The following ASTN2 variants were observed in gnomAD, a reference collection of about 807,000 sequenced individuals.
ASTN2 encodes astrotactin 2, also known as astrotactin-2.
Under a neutral mutation model 139.8 loss-of-function variants are expected in ASTN2, and 54 were observed. That is an observed-to-expected ratio of 0.39 (90% confidence interval 0.31 to 0.48). ASTN2 has a LOEUF of 0.48. Ranked by LOEUF, ASTN2 falls within the 20% of genes least tolerant of loss-of-function variation. The pLI is 0.95. For missense variants in ASTN2, 1,565 were observed against 1,725.1 expected, an observed-to-expected ratio of 0.91 and a Z score of 1.64; for synonymous variants, 756 against 719.5, an observed-to-expected ratio of 1.05 and a Z score of -0.81.
rs532119651 is a variant in ASTN2, at chr9:117,240,561, T to G, written c.631-25819A>C. ...ATTAGGGAGGTACCACAAAGCCAGA[T>G]AGCAGAGAACCAAGACACCAGACGG... On this transcript the variant is annotated intron_variant, in intron 2 of 22. Transcript: ENST00000313400. Among the ~76,000 whole-genome samples, 4 of 152,284 alleles carry G rather than the reference T, an allele frequency of 2.6e-5. No homozygotes were observed. In the South Asian group the frequency reaches 8.3e-4, roughly 32 times the overall value.
chr9:116,467,340 C>T (rs748777648), intron 20 of ASTN2, among the ~76,000 whole-genome samples: 4 of 152,178 alleles, frequency 2.6e-5, no homozygotes, highest in Non-Finnish European at 5.9e-5. Context: ...GATCTTGGCT[C>T]ACTGCAACCT....
intron 20 of ASTN2, among the ~76,000 whole-genome samples, chr9:116,455,298 G>A (rs1848297204): frequency 6.7e-6 from 1 of 149,642 alleles, no homozygotes; most frequent in African/African-American, 2.5e-5. Context: ...GCAGTGAGCT[G>A]AGATTGTGCC....
At chr9:117,048,185 G>T (rs1838799449) in intron 5 of ASTN2, among the ~76,000 whole-genome samples, 1 of 152,192 alleles carries the variant, frequency 6.6e-6, no homozygotes, top group Non-Finnish European at 1.5e-5. Flanking sequence ...CTGCTGAGCT[G>T]CTATCCGACT....
intron 2 of ASTN2, among the ~76,000 whole-genome samples, chr9:117,236,815 T>C (rs1234434294): frequency 6.6e-6 from 1 of 152,212 alleles, no homozygotes; most frequent in Non-Finnish European, 1.5e-5. Context: ...TTCATAGGGA[T>C]GTTGTAAAAG....
intron 11 of ASTN2, among the ~76,000 whole-genome samples, chr9:116,843,948 A>T (rs1001564105): frequency 9.2e-5 from 14 of 152,192 alleles, no homozygotes; most frequent in African/African-American, 2.4e-4. Context: ...ATCAAATTTT[A>T]AAAAACTCTG....
At chr9:116,853,384 C>T (rs1286280294) in intron 11 of ASTN2, among the ~76,000 whole-genome samples, 1 of 152,174 alleles carries the variant, frequency 6.6e-6, no homozygotes, top group Non-Finnish European at 1.5e-5. Context: ...TCCAGCTTTT[C>T]GTTTCAGAGC....
chr9:116,462,570 A>G (rs775645222), intron 20 of ASTN2, among the ~76,000 whole-genome samples: 37 of 152,184 alleles, frequency 2.4e-4, no homozygotes, highest in Non-Finnish European at 4.4e-4. Context: ...TGGAATAAAG[A>G]ATGTCTGAAA....
Position 117,160,566 on chromosome 9 carries a change from T to A in ASTN2, c.1016-19088A>T, listed in dbSNP as rs560825031. On this transcript the variant is annotated intron_variant, in intron 3 of 22. Transcript: ENST00000313400. ...TCAACTTGTTCTGCTTTATTCTTCA[T>A]TAAACATATTATATATTTATTTTTA... Among the ~76,000 whole-genome samples the A allele has an allele frequency of 6.6e-5, 10 of 152,220 alleles. No individual in the cohort carries two copies. The South Asian group carries it at 2.1e-3, about 32-fold the overall frequency.
At chr9:116,602,118 C>A (rs1278666791) in intron 19 of ASTN2, among the ~76,000 whole-genome samples, 1 of 152,100 alleles carries the variant, frequency 6.6e-6, no homozygotes, top group Non-Finnish European at 1.5e-5. Context: ...AAGTTTATGA[C>A]CCAAAAATGT....
intron 20 of ASTN2, among the ~76,000 whole-genome samples, chr9:116,463,908 G>GTTTTTTTTTTT (rs71502069): frequency 5.2e-5 from 6 of 115,922 alleles, no homozygotes; most frequent in Non-Finnish European, 7.1e-5. Context: ...AGAGTTTTGT[G>GTTTTTTTTTTT]TTTTTTTTTT....
intron 12 of ASTN2, among the ~76,000 whole-genome samples, chr9:116,808,205 T>C (rs1561744): frequency 0.86 from 131,509 of 152,168 alleles, 56,980 homozygotes; most frequent in East Asian, 0.99. Flanking sequence ...CTCCTCACTT[T>C]CTGTCCCAGA....
chr9:116,515,926 A>T (rs1228311766), intron 19 of ASTN2, among the ~76,000 whole-genome samples: 1 of 152,208 alleles, frequency 6.6e-6, no homozygotes, highest in East Asian at 1.9e-4. Flanking sequence ...CTATGGGAAC[A>T]CACCACTAGA....
chr9:116,690,518 C>G (rs1007006921), intron 16 of ASTN2, among the ~76,000 whole-genome samples: 9 of 152,214 alleles, frequency 5.9e-5, no homozygotes, highest in Non-Finnish European at 1.2e-4. Context: ...ATTGTCTATG[C>G]ACACTGATGT....
intron 10 of ASTN2, among the ~76,000 whole-genome samples, chr9:116,924,473 C>T (rs997688559): frequency 6.6e-5 from 10 of 150,512 alleles, no homozygotes; most frequent in Non-Finnish European, 1.0e-4. Flanking sequence ...CCATTGGCAG[C>T]GGTGGCATGG....
intron 22 of ASTN2, among the ~76,000 whole-genome samples, chr9:116,436,710 T>C (rs1847661195): frequency 6.6e-6 from 1 of 152,050 alleles, no homozygotes; most frequent in Admixed American, 6.6e-5. Context: ...AAAAAAAGGG[T>C]ATATACCCAA....
At chr9:117,341,726 T>C (rs1829066341) in intron 1 of ASTN2, among the ~76,000 whole-genome samples, 1 of 152,116 alleles carries the variant, frequency 6.6e-6, no homozygotes, top group Non-Finnish European at 1.5e-5. Context: ...CCCCCAAATC[T>C]TCTAATGAGA....
chr9:116,780,817 G>GTGAA (rs1371137328), intron 13 of ASTN2, among the ~76,000 whole-genome samples: 2 of 150,942 alleles, frequency 1.3e-5, no homozygotes, highest in Non-Finnish European at 1.5e-5. Flanking sequence ...ACATGAATGA[G>GTGAA]TGAATGAATG....
At chr9:117,228,138 A>G (rs897545249) in intron 2 of ASTN2, among the ~76,000 whole-genome samples, 1 of 152,078 alleles carries the variant, frequency 6.6e-6, no homozygotes, top group African/African-American at 2.4e-5. Flanking sequence ...CTCTTTATGT[A>G]AGGACTTCAT....
chr9:116,446,545 A>ACTCCTC (rs1043797696), intron 20 of ASTN2, among the ~76,000 whole-genome samples: 1 of 151,664 alleles, frequency 6.6e-6, no homozygotes, highest in Admixed American at 6.6e-5. Context: ...GGCATTCCTG[A>ACTCCTC]CTCCTCCTCC....
Sources: allele counts gnomAD v4.1 joint callset (sites outside exome capture counted in the v4.1 genomes callset), GRCh38; gene constraint gnomAD v4.1.1; transcripts MANE v1.5; gene names NCBI Gene and HGNC (gene_info 2026-07-23, HGNC 2026-07-21).